Variants in C8orf34 observed in about 807,000 individuals in gnomAD.
C8orf34 encodes the protein chromosome 8 open reading frame 34.
In C8orf34, 65 loss-of-function variants were observed where a neutral mutation model predicts 68.3. That is an observed-to-expected ratio of 0.95 (90% confidence interval 0.78 to 1.17). The LOEUF is 1.17. Among genes scored for constraint, C8orf34 ranks in the 50% most tolerant of loss-of-function variants. The pLI is 0.00. For synonymous variants in C8orf34, 244 were observed against 241.2 expected (o/e 1.01, Z -0.11); for missense variants, 664 against 655.4 (o/e 1.01, Z -0.14).
intron 8 of C8orf34, among the ~76,000 whole-genome samples, chr8:68,647,893 A>G (rs181697141): frequency 6.6e-6 from 1 of 152,190 alleles, no homozygotes; most frequent in East Asian, 1.9e-4. Flanking sequence ...GTGTGATTTA[A>G]ACAGAGAAAT....
At chr8:68,393,599 A>C (rs1459249044) in intron 1 of C8orf34, among the ~76,000 whole-genome samples, 1 of 150,082 alleles carries the variant, frequency 6.7e-6, no homozygotes, top group Non-Finnish European at 1.5e-5. Flanking sequence ...GCAAAAAAAT[A>C]GAGAAAGAGG....
intron 8 of C8orf34, among the ~76,000 whole-genome samples, chr8:68,644,262 T>C (rs1316270917): frequency 6.6e-6 from 1 of 152,132 alleles, no homozygotes; most frequent in Non-Finnish European, 1.5e-5. Flanking sequence ...TGGAGGCAAC[T>C]TAGGGGAGAG....
At chr8:68,461,441 C>T (rs1228011220) in intron 3 of C8orf34, among the ~76,000 whole-genome samples, 7 of 152,080 alleles carry the variant, frequency 4.6e-5, no homozygotes, top group East Asian at 1.9e-4. Context: ...ATACTGAGAA[C>T]GCCACAAAGA....
intron 8 of C8orf34, among the ~76,000 whole-genome samples, chr8:68,668,418 A>G (rs1475228190): frequency 1.3e-5 from 2 of 152,174 alleles, no homozygotes; most frequent in African/African-American, 4.8e-5. Flanking sequence ...CTGGCACTAA[A>G]GTAGAGAATA....
intron 7 of C8orf34, among the ~76,000 whole-genome samples, chr8:68,595,292 A>G (rs930274882): frequency 6.6e-6 from 1 of 151,974 alleles, no homozygotes; most frequent in Non-Finnish European, 1.5e-5. Context: ...TTGTCAATTG[A>G]TCTTTGATAC....
intron 7 of C8orf34, among the ~76,000 whole-genome samples, chr8:68,578,240 G>A (rs956071643): frequency 6.6e-6 from 1 of 151,884 alleles, no homozygotes; most frequent in Non-Finnish European, 1.5e-5. Context: ...CTTGTGAATA[G>A]GATTAAATAA....
At chr8:68,721,540 T>C in intron 10 of C8orf34, 103 bp downstream of exon 10, 1 of 748,360 alleles carries the variant, frequency 1.3e-6, no homozygotes, top group East Asian at 2.8e-5. Flanking sequence ...TTCTTACTGA[T>C]TAATTAGGCT....
intron 5 of C8orf34, among the ~76,000 whole-genome samples, chr8:68,494,992 G>A (rs993506869): frequency 1.3e-5 from 2 of 151,514 alleles, no homozygotes; most frequent in Non-Finnish European, 2.9e-5. Flanking sequence ...ATTCACAGGA[G>A]CTCTTAGAAT....
chr8:68,451,022 A>G (rs1234647075), intron 3 of C8orf34, among the ~76,000 whole-genome samples: 1 of 152,124 alleles, frequency 6.6e-6, no homozygotes, highest in Non-Finnish European at 1.5e-5. Context: ...TTCATCAACT[A>G]TCTTAGCTAG....
At chr8:68,570,833 C>A (rs1260684058) in intron 7 of C8orf34, among the ~76,000 whole-genome samples, 1 of 152,096 alleles carries the variant, frequency 6.6e-6, no homozygotes, top group Non-Finnish European at 1.5e-5. Context: ...ACGAGAAGCA[C>A]CAACTTAATT....
chr8:68,348,203 A>G (rs28783722), intron 1 of C8orf34, among the ~76,000 whole-genome samples: 35,173 of 151,920 alleles, frequency 0.23, 4,825 homozygotes, highest in Admixed American at 0.31. Context: ...TCCCAGTACC[A>G]TTTGTTGAAT....
intron 7 of C8orf34, among the ~76,000 whole-genome samples, chr8:68,558,611 G>A (rs1018411059): frequency 6.6e-6 from 1 of 152,064 alleles, no homozygotes; most frequent in African/African-American, 2.4e-5. Context: ...GGGAAAGAGA[G>A]AGAGAAAGAG....
In C8orf34 at chr8:68,331,272, T is replaced by C. The variant is rs1351349857; in HGVS notation, c.260T>C (p.Met87Thr). Residue 87 changes from methionine (M) to threonine (T), a missense_variant, in exon 1 of 14, where the codon ATG becomes ACG. Coordinates refer to ENST00000518698, the MANE Select transcript of C8orf34 (RefSeq NM_052958.4). The stretch of plus-strand genomic sequence containing the variant: ...TCTTCGCGGTCCCATCTGTTCCCCA[T>C]GGCGTCTCATCCGCAAACCCGGATC... Reference protein sequence around the residue: ...ALSSRSHLFPMASHPQTRIQA... With the variant: ...ALSSRSHLFPTASHPQTRIQA... 6 of 1,536,276 alleles carry C rather than the reference T, an allele frequency of 3.9e-6. No individual in the cohort carries two copies. The highest frequency in any genetic ancestry group is 1.4e-5 in the African/African-American group (1 of 73,036).
At chr8:68,759,144 A>C (rs949272903) in intron 10 of C8orf34, among the ~76,000 whole-genome samples, 1 of 152,160 alleles carries the variant, frequency 6.6e-6, no homozygotes, top group Non-Finnish European at 1.5e-5. Flanking sequence ...TAATCATTCT[A>C]ACCAAATCTT....
At chr8:68,475,200 C>T (rs1812554472) in intron 4 of C8orf34, among the ~76,000 whole-genome samples, 1 of 152,210 alleles carries the variant, frequency 6.6e-6, no homozygotes, top group Admixed American at 6.5e-5. Context: ...TTACTTTTCT[C>T]TTCAGCTTCA....
intron 7 of C8orf34, among the ~76,000 whole-genome samples, chr8:68,586,834 A>C (rs1381211405): frequency 6.6e-6 from 1 of 152,184 alleles, no homozygotes; most frequent in African/African-American, 2.4e-5. Flanking sequence ...ATCAGGAGTC[A>C]GCAAGCTATA....
At chr8:68,708,840 T>C (rs2130960757) in intron 8 of C8orf34, among the ~76,000 whole-genome samples, 154 bp from the exon 9 acceptor site, 1 of 152,300 alleles carries the variant, frequency 6.6e-6, no homozygotes, top group Middle Eastern at 3.4e-3. Context: ...AAATCCTATA[T>C]TAAAATGGCT....
intron 1 of C8orf34, among the ~76,000 whole-genome samples, chr8:68,368,614 A>G (rs1189468028): frequency 2.0e-5 from 3 of 152,130 alleles, no homozygotes; most frequent in African/African-American, 7.2e-5. Context: ...AGGTACCTTT[A>G]TAAAGTTAGG....
chr8:68,466,738 C>CATATATATATATATGTGTATATATATAT (rs566438333), intron 3 of C8orf34, among the ~76,000 whole-genome samples: 6 of 120,628 alleles, frequency 5.0e-5, no homozygotes, highest in African/African-American at 2.2e-4. Context: ...CAACGTTGTA[C>CATATATATATATATGTGTATATATATAT]ATATATATAT....
Sources: gnomAD v4.1 joint callset for allele counts (sites outside exome capture counted in the v4.1 genomes callset) on GRCh38, gnomAD v4.1.1 for gene constraint, MANE v1.5 for transcripts, NCBI Gene and HGNC (gene_info 2026-07-23, HGNC 2026-07-21) for gene names.